ZNF469: variants seen among roughly 807,000 people sequenced by gnomAD.
ZNF469 encodes the protein zinc finger protein 469.
A neutral mutation model predicts 1.0 loss-of-function variants in ZNF469; 1 was observed. That is an observed-to-expected ratio of 1.00 (90% CI 0.35 to 4.73). The LOEUF (loss-of-function observed/expected upper bound fraction) is 4.73, where lower values mean the gene tolerates loss of function less well. Among genes scored for constraint, ZNF469 ranks in the 30% most tolerant of loss-of-function variants. The pLI, the probability that ZNF469 is intolerant of heterozygous loss-of-function variation, is 0.16. For synonymous variants in ZNF469, 2,703 were observed against 2,363.4 expected, an observed-to-expected ratio of 1.14 and a Z score of -4.17; for missense variants, 6,100 against 5,356.3, an observed-to-expected ratio of 1.14 and a Z score of -4.33.
chr16:88,320,054 A>C, the ZNF469 span, among the ~76,000 whole-genome samples: 1 of 152,238 alleles, frequency 6.6e-6, no homozygotes, highest in Non-Finnish European at 1.5e-5. Flanking sequence ...GGGATAATTC[A>C]AAGCATGGCC....
the ZNF469 span, among the ~76,000 whole-genome samples, chr16:88,286,287 T>C: frequency 6.6e-6 from 1 of 152,180 alleles, no homozygotes; most frequent in East Asian, 1.9e-4. Flanking sequence ...CAGCTAACTG[T>C]GCAACAAGAT....
the ZNF469 span, among the ~76,000 whole-genome samples, chr16:88,190,357 A>C: frequency 3.9e-5 from 6 of 152,400 alleles, no homozygotes; most frequent in Middle Eastern, 3.4e-3. Flanking sequence ...CACCTTGCTC[A>C]GTCCCAGCAC....
At chr16:88,241,056 G>A in the ZNF469 span, among the ~76,000 whole-genome samples, 6 of 152,148 alleles carry the variant, frequency 3.9e-5, no homozygotes, top group Non-Finnish European at 5.9e-5. This position sits in a 1 kb window ranked among gnomAD's most constrained non-coding sequence, Gnocchi z 4.8. Flanking sequence ...GCTTGGTCAC[G>A]GAGCAGCATG....
At chr16:88,386,926 G>A (rs1045182012) in intron 1 of ZNF469, among the ~76,000 whole-genome samples, 1 of 152,192 alleles carries the variant, frequency 6.6e-6, no homozygotes, top group Admixed American at 6.5e-5. Flanking sequence ...GGTCATGGTG[G>A]GGGTGGCAGA....
chr16:88,426,218 C>T (rs1905693225), intron 2 of ZNF469, among the ~76,000 whole-genome samples: 1 of 152,244 alleles, frequency 6.6e-6, no homozygotes. Context: ...CTCCCAGCTG[C>T]TCTGCTGCTG....
At chr16:88,121,234 G>A in the ZNF469 span, among the ~76,000 whole-genome samples, 1 of 64,864 alleles carries the variant, frequency 1.5e-5, no homozygotes, top group African/African-American at 5.2e-5. Context: ...AAGGGGGGGA[G>A]GTTGGGGGGT....
the ZNF469 span, among the ~76,000 whole-genome samples, chr16:88,211,402 G>A: frequency 6.6e-6 from 1 of 152,250 alleles, no homozygotes; most frequent in Non-Finnish European, 1.5e-5. Context: ...CTGGGTCACG[G>A]ACTCTTCAGG....
chr16:88,337,398 C>G, the ZNF469 span, among the ~76,000 whole-genome samples: 1 of 152,362 alleles, frequency 6.6e-6, no homozygotes, highest in Non-Finnish European at 1.5e-5. Context: ...GATAGTGAGG[C>G]CTCCTCAGCC....
At position 88,430,753 on chromosome 16, in the gene ZNF469, G is replaced by A. The variant is rs933945553; in HGVS notation, c.3283G>A (p.Ala1095Thr). 29 of 1,507,452 alleles carry A rather than the reference G, an allele frequency of 1.9e-5. No homozygotes were observed. The highest frequency in any genetic ancestry group is 2.5e-5 in the East Asian group (1 of 39,480). The allele number at this position is 1,507,452 out of a possible 1,614,324, so 93.4% of individuals were successfully genotyped here. Residue 1095 changes from alanine (A) to threonine (T), a missense_variant, in exon 3 of 3, where the codon GCC becomes ACC. By Grantham distance (58) the Ala-to-Thr change is moderately conservative (BLOSUM62 0). Coordinates refer to ENST00000565624, the MANE Select transcript of ZNF469 (RefSeq NM_001367624.2). ...CCGCAGGCTCCGCGAGTACGACTTC[G>A]CCTCGGAGTCCGAGGAGGACGAGCA... ...EDRRLREYDFASESEEDEQPP... is the reference protein window; with the variant it reads ...EDRRLREYDFTSESEEDEQPP...
the ZNF469 span, among the ~76,000 whole-genome samples, chr16:88,233,486 G>T: frequency 2.0e-5 from 3 of 152,230 alleles, no homozygotes; most frequent in Non-Finnish European, 4.4e-5. Flanking sequence ...GGCCACCTTG[G>T]ATGGGCCCCA....
the ZNF469 span, among the ~76,000 whole-genome samples, chr16:88,112,058 C>T: frequency 1.6e-4 from 24 of 152,246 alleles, no homozygotes; most frequent in East Asian, 4.2e-3. Context: ...ACGTTGTGTA[C>T]GTGTCACATT....
chr16:88,438,624 G>C lies in ZNF469; in HGVS notation c.11154G>C (p.Gly3718=), dbSNP rs1351373213. The C allele has an allele frequency of 6.5e-7, 1 of 1,550,088 alleles. No homozygotes were observed. The highest frequency in any genetic ancestry group is 8.7e-7 in the Non-Finnish European group (1 of 1,146,908). ...AGCTGGCCCGTGGCACAGAGAATGG[G>C]ATGAAGCCCGCCACCCCCAAAGCCA... ...PGELARGTEN[G]MKPATPKAKP... Residue 3718 remains glycine, a synonymous_variant, in exon 3 of 3, where the codon GGG becomes GGC. Coordinates refer to ENST00000565624, the MANE Select transcript of ZNF469 (RefSeq NM_001367624.2).
the ZNF469 span, among the ~76,000 whole-genome samples, chr16:88,217,333 C>T: frequency 1.3e-5 from 2 of 152,164 alleles, no homozygotes; most frequent in South Asian, 4.1e-4. Context: ...TTTGAGCTTT[C>T]TGATCCTTTA....
chr16:88,176,173 C>T, the ZNF469 span, among the ~76,000 whole-genome samples: 1 of 150,940 alleles, frequency 6.6e-6, no homozygotes, highest in Non-Finnish European at 1.5e-5. Flanking sequence ...AAAATGCTTC[C>T]ATTAGATGGG....
At chr16:88,274,856 G>A in the ZNF469 span, among the ~76,000 whole-genome samples, 3 of 152,240 alleles carry the variant, frequency 2.0e-5, no homozygotes, top group African/African-American at 7.2e-5. Flanking sequence ...GACATGGTTC[G>A]CAGACGGACA....
the ZNF469 span, among the ~76,000 whole-genome samples, chr16:88,183,216 T>C: frequency 1.3e-5 from 2 of 152,228 alleles, no homozygotes; most frequent in Admixed American, 6.5e-5. Context: ...CGGGCGTTGC[T>C]GGCGGGGGTG....
the ZNF469 span, among the ~76,000 whole-genome samples, chr16:88,210,480 C>T: frequency 8.7e-4 from 133 of 152,340 alleles, no homozygotes; most frequent in African/African-American, 3.0e-3. Context: ...ATATACCCAT[C>T]TTCTCTTGTG....
At chr16:88,400,970 C>T (rs946104838) in intron 1 of ZNF469, among the ~76,000 whole-genome samples, 4 of 151,924 alleles carry the variant, frequency 2.6e-5, no homozygotes, top group Non-Finnish European at 4.4e-5. Context: ...TTCTGCAGAC[C>T]GGAGGGGGAT....
chr16:88,271,656 G>A, the ZNF469 span, among the ~76,000 whole-genome samples: 1 of 146,774 alleles, frequency 6.8e-6, no homozygotes, highest in Non-Finnish European at 1.5e-5. Flanking sequence ...ATCAACAAAG[G>A]GTCAGAGCGA....
Sources: gnomAD v4.1 joint callset for allele counts (sites outside exome capture counted in the v4.1 genomes callset) on GRCh38, gnomAD v4.1.1 for gene constraint, Gnocchi (gnomAD v3.1) non-coding constraint, MANE v1.5 for transcripts, NCBI Gene and HGNC (gene_info 2026-07-23, HGNC 2026-07-21) for gene names.